Variants in TENM2 observed in about 807,000 individuals in gnomAD.
TENM2 encodes the protein teneurin transmembrane protein 2, also known as teneurin-2.
A neutral mutation model predicts 245.2 loss-of-function variants in TENM2; 52 were observed. The observed-to-expected ratio is 0.21, with a 90% CI of 0.17 to 0.27. The LOEUF (loss-of-function observed/expected upper bound fraction) is 0.27, where lower values mean the gene tolerates loss of function less well. Ranked by LOEUF, TENM2 falls within the 10% of genes least tolerant of loss-of-function variation. TENM2 has a pLI of 1.00. For synonymous variants in TENM2, 1,363 were observed against 1,438.9 expected (o/e 0.95, Z 1.19); for missense variants, 3,046 against 3,666.8 (o/e 0.83, Z 4.37).
At chr5:167,503,337 T>C (rs1173478516) in intron 2 of TENM2, among the ~76,000 whole-genome samples, 1 of 151,996 alleles carries the variant, frequency 6.6e-6, no homozygotes, top group Non-Finnish European at 1.5e-5. Context: ...ACAAATCTAA[T>C]GCTTAACTTA....
chr5:167,168,002 T>C, the TENM2 span, among the ~76,000 whole-genome samples: 1 of 152,172 alleles, frequency 6.6e-6, no homozygotes, highest in Non-Finnish European at 1.5e-5. Context: ...CAGCTAAGCA[T>C]GTGGCTGCTT....
intron 25 of TENM2, among the ~76,000 whole-genome samples, chr5:168,236,880 C>A (rs1346961108): frequency 7.5e-6 from 1 of 134,012 alleles, no homozygotes; most frequent in Non-Finnish European, 1.6e-5. Flanking sequence ...TCCAGAATGA[C>A]TCTAATAGGT....
At chr5:167,193,412 GC>G in the TENM2 span, among the ~76,000 whole-genome samples, 2 of 151,678 alleles carry the variant, frequency 1.3e-5, no homozygotes, top group Non-Finnish European at 2.9e-5. Flanking sequence ...AAGCATTTCA[GC>G]TCACTTTAAG....
intron 2 of TENM2, among the ~76,000 whole-genome samples, chr5:167,634,684 T>C (rs1779082647): frequency 6.6e-6 from 1 of 151,994 alleles, no homozygotes; most frequent in Non-Finnish European, 1.5e-5. Context: ...ACCACGTACT[T>C]AAGCTTAAGC....
At chr5:167,877,801 T>G (rs1410939763) in intron 3 of TENM2, among the ~76,000 whole-genome samples, 1 of 152,250 alleles carries the variant, frequency 6.6e-6, no homozygotes, top group Non-Finnish European at 1.5e-5. Flanking sequence ...CCCTTTTTAC[T>G]TTCATCAGAA....
At chr5:168,132,229 G>A (rs1189638142) in intron 12 of TENM2, among the ~76,000 whole-genome samples, 1 of 152,102 alleles carries the variant, frequency 6.6e-6, no homozygotes, top group East Asian at 1.9e-4. Context: ...AGAAAATAAC[G>A]GCTTTACAAG....
chr5:167,430,720 G>A (rs773908679), intron 2 of TENM2, among the ~76,000 whole-genome samples: 5 of 152,122 alleles, frequency 3.3e-5, no homozygotes, highest in Non-Finnish European at 7.4e-5. Context: ...TTGAAAAATG[G>A]ACATTTTTCC....
At chr5:168,067,780 A>G (rs1002303583) in intron 7 of TENM2, among the ~76,000 whole-genome samples, 6 of 152,124 alleles carry the variant, frequency 3.9e-5, no homozygotes, top group Non-Finnish European at 8.8e-5. Context: ...CTAGTCACAT[A>G]GGCTCCACTG....
At chr5:167,656,576 A>G (rs139844387) in intron 2 of TENM2, among the ~76,000 whole-genome samples, 3 of 152,242 alleles carry the variant, frequency 2.0e-5, no homozygotes, top group African/African-American at 7.2e-5. Context: ...ACTTATTATA[A>G]CATCATAGTA....
At chr5:167,996,130 C>T (rs1476605524) in intron 5 of TENM2, among the ~76,000 whole-genome samples, 1 of 152,266 alleles carries the variant, frequency 6.6e-6, no homozygotes, top group South Asian at 2.1e-4. Flanking sequence ...AGAAGACTTT[C>T]CAGAAATGAG....
At chr5:167,092,547 C>T in the TENM2 span, among the ~76,000 whole-genome samples, 11 of 152,252 alleles carry the variant, frequency 7.2e-5, no homozygotes, top group Middle Eastern at 3.4e-3. Flanking sequence ...TTTTGGGCCA[C>T]GGATTATGCT....
intron 1 of TENM2, among the ~76,000 whole-genome samples, chr5:167,345,832 T>TTATC (rs1469862629): frequency 6.6e-6 from 1 of 151,658 alleles, no homozygotes; most frequent in Non-Finnish European, 1.5e-5. Context: ...CTTTTTTTTC[T>TTATC]TATCTCTGAA....
intron 2 of TENM2, among the ~76,000 whole-genome samples, chr5:167,873,910 G>C (rs1156612349): frequency 6.6e-6 from 1 of 152,098 alleles, no homozygotes; most frequent in Non-Finnish European, 1.5e-5. Flanking sequence ...TTTCTATTCT[G>C]TTACTGTACA....
chr5:167,009,466 C>G, the TENM2 span, among the ~76,000 whole-genome samples: 74 of 152,186 alleles, frequency 4.9e-4, 1 homozygote, highest in African/African-American at 1.7e-3. Flanking sequence ...TGAAATACAC[C>G]TTTTCTTTTT....
At chr5:167,251,196 T>C in the TENM2 span, among the ~76,000 whole-genome samples, 1 of 152,130 alleles carries the variant, frequency 6.6e-6, no homozygotes, top group South Asian at 2.1e-4. Flanking sequence ...GGTCCAGCTT[T>C]GTGTGCTCAC....
At chr5:167,827,972 C>T (rs558280911) in intron 2 of TENM2, among the ~76,000 whole-genome samples, 1 of 152,318 alleles carries the variant, frequency 6.6e-6, no homozygotes, top group Admixed American at 6.5e-5. Flanking sequence ...ATGCCACACC[C>T]ACCTTGCAGT....
intron 2 of TENM2, among the ~76,000 whole-genome samples, chr5:167,631,415 G>A (rs1271543283): frequency 1.3e-5 from 2 of 152,084 alleles, no homozygotes; most frequent in Admixed American, 1.3e-4. Context: ...CTACAATGAA[G>A]GTCTTAGTAT....
intron 2 of TENM2, among the ~76,000 whole-genome samples, chr5:167,429,832 C>G (rs1055757188): frequency 2.3e-4 from 35 of 152,072 alleles, no homozygotes; most frequent in African/African-American, 8.2e-4. Flanking sequence ...GTCTCAAACT[C>G]CTGACCTCAG....
chr5:167,342,514 T>TTTC (rs1200530084), intron 1 of TENM2, among the ~76,000 whole-genome samples: 30 of 113,228 alleles, frequency 2.6e-4, no homozygotes, highest in East Asian at 6.4e-4. Flanking sequence ...ATTCTTTTTT[T>TTTC]TTTTTTTTTT....
Sources: allele counts gnomAD v4.1 joint callset (sites outside exome capture counted in the v4.1 genomes callset), GRCh38; gene constraint gnomAD v4.1.1; transcripts MANE v1.5; gene names NCBI Gene and HGNC (gene_info 2026-07-23, HGNC 2026-07-21).